Variants in KDM6A observed in about 807,000 individuals in gnomAD.
The protein encoded by KDM6A is lysine-specific demethylase 6A.
A neutral mutation model predicts 117.6 loss-of-function variants in KDM6A; 11 were observed. The ratio of observed to expected loss-of-function variants is 0.09; its 90% confidence interval spans 0.06 to 0.15. The LOEUF (loss-of-function observed/expected upper bound fraction) is 0.15, where lower values mean the gene tolerates loss of function less well. Ranked by LOEUF, KDM6A falls within the 10% of genes least tolerant of loss-of-function variation. The pLI, the probability that KDM6A is intolerant of heterozygous loss-of-function variation, is 1.00. For missense variants in KDM6A, 799 were observed against 1,077.3 expected (o/e 0.74, Z 3.62); for synonymous variants, 384 against 396.1 (o/e 0.97, Z 0.36).
At chrX:44,914,246 T>TG (rs1222251964) in intron 2 of KDM6A, among the ~76,000 whole-genome samples, 5 of 112,116 alleles carry the variant, frequency 4.5e-5, no homozygotes, top group Admixed American at 9.5e-5. Flanking sequence ...TCAGCTGTGC[T>TG]GGGGGGGTCA....
rs185689720 is a variant in KDM6A, at chrX:45,072,853, A to T, written c.2858+2496A>T. On this transcript the variant is annotated intron_variant, in intron 18 of 29. Transcript: ENST00000611820. ...TGTATTAATAAATTGTATATTATTT[A>T]AAAAAATATAATAATATATATATAT... Among the ~76,000 whole-genome samples the T allele has an allele frequency of 4.4e-4, 46 of 105,134 alleles. No individual in the cohort carries two copies. The East Asian group carries it at 8.6e-3, about 20-fold the overall frequency. The allele number at this position is 105,134 out of a possible 115,157, so 91.3% of individuals were successfully genotyped here.
rs768721600 is a variant in KDM6A at position 45,059,451 on chromosome X, A to G, written c.1179A>G (p.Arg393=). The part of the protein sequence containing the change: ...SCSNTSALAA[R]IKYLQAQLCN... ...GTAATACCTCTGCACTTGCAGCACG[A>G]ATTAAGTATTTACAGGTAAAATTTT... The change falls in exon 12 of 30, where the codon CGA becomes CGG. Residue 393 remains arginine (R), a synonymous_variant. Coordinates refer to ENST00000611820, the MANE Select transcript of KDM6A (RefSeq NM_001291415.2). 2.5e-6 allele frequency: 3 copies of G among 1,203,912 alleles called. No individual in the cohort carries two copies. Among genetic ancestry groups the G allele is most frequent in the Non-Finnish European group, 3.4e-6 (3 of 889,066 alleles).
At chrX:45,005,195 C>G (rs1569515696) in intron 4 of KDM6A, among the ~76,000 whole-genome samples, 1 of 109,965 alleles carries the variant, frequency 9.1e-6, no homozygotes. Flanking sequence ...ACGGTAATTC[C>G]CAAGAGTCAG....
chrX:44,986,716 C>T (rs1334341278), intron 4 of KDM6A, among the ~76,000 whole-genome samples: 8 of 111,845 alleles, frequency 7.2e-5, no homozygotes, highest in Non-Finnish European at 1.5e-4. Context: ...TGTAGTTGAG[C>T]AGTTTTGATT....
chrX:45,058,865 A>G (rs1219347173), intron 10 of KDM6A, 141 bp from the exon 11 acceptor site: 6 of 514,367 alleles, frequency 1.2e-5, no homozygotes, highest in Non-Finnish European at 2.1e-5. Context: ...AAGTATATAC[A>G]TACATACACA....
chrX:45,087,778 C>T (rs2045706847), intron 25 of KDM6A, among the ~76,000 whole-genome samples: 1 of 111,341 alleles, frequency 9.0e-6, no homozygotes, highest in Non-Finnish European at 1.9e-5. Context: ...TTAGAATAAG[C>T]AGATGATGTC....
intron 4 of KDM6A, among the ~76,000 whole-genome samples, chrX:45,008,192 A>G (rs1046539454): frequency 1.8e-5 from 2 of 110,251 alleles, no homozygotes; most frequent in Non-Finnish European, 3.8e-5. Flanking sequence ...TCCTGAAATC[A>G]GAAATGCCCG....
chrX:44,981,867 T>G (rs1419741380), intron 4 of KDM6A, among the ~76,000 whole-genome samples: 1 of 111,904 alleles, frequency 8.9e-6, no homozygotes, highest in Non-Finnish European at 1.9e-5. Flanking sequence ...GCACATCACC[T>G]GAGGTCAGGA....
At chrX:45,059,592 A>C in intron 12 of KDM6A, 126 bp downstream of exon 12, 1 of 519,796 alleles carries the variant, frequency 1.9e-6, no homozygotes, top group South Asian at 2.8e-5. Flanking sequence ...CATATTTTGT[A>C]AACATACCAT....
At position 44,956,914 on chromosome X, in the gene KDM6A, G is replaced by A. The variant is rs113668821; in HGVS notation, c.226-4370G>A. Among the ~76,000 whole-genome samples, 800 of 110,536 alleles carry A rather than the reference G, an allele frequency of 7.2e-3. 13 individuals are homozygous for A. The highest frequency in any genetic ancestry group is 0.025 in the African/African-American group (766 of 30,406). ...GGAGGCTGAGGCGGGCGGATCACTTGAGGTCAGGAGTTCGAGACCAGCCTG... is the reference window on the plus strand; with the variant it reads ...GGAGGCTGAGGCGGGCGGATCACTTAAGGTCAGGAGTTCGAGACCAGCCTG... On this transcript the variant is annotated intron_variant, in intron 2 of 29. Coordinates refer to ENST00000611820, the MANE Select transcript of KDM6A (RefSeq NM_001291415.2).
chrX:44,989,040 T>G (rs963010498), intron 4 of KDM6A, among the ~76,000 whole-genome samples: 20 of 108,012 alleles, frequency 1.9e-4, no homozygotes, highest in Non-Finnish European at 2.7e-4. Context: ...CTCCTTGACC[T>G]GTGGTGGGTT....
chrX:44,999,757 C>T (rs1417833400), intron 4 of KDM6A, among the ~76,000 whole-genome samples: 1 of 111,144 alleles, frequency 9.0e-6, no homozygotes, highest in East Asian at 2.8e-4. Flanking sequence ...AGATGCTTCT[C>T]TGGATAAGGT....
intron 8 of KDM6A, among the ~76,000 whole-genome samples, chrX:45,045,536 A>G (rs1227354171): frequency 1.9e-5 from 2 of 105,502 alleles, no homozygotes; most frequent in Non-Finnish European, 3.9e-5. Flanking sequence ...CAGTGAGCCA[A>G]GATCCCACCA....
intron 8 of KDM6A, among the ~76,000 whole-genome samples, chrX:45,042,227 C>G (rs1307432187): frequency 1.3e-5 from 1 of 79,120 alleles, no homozygotes; most frequent in African/African-American, 5.6e-5. Flanking sequence ...GGCTCGGCAT[C>G]AGAGGGAGAC....
chrX:44,921,017 G>A (rs1417858170), intron 2 of KDM6A, among the ~76,000 whole-genome samples: 2 of 107,795 alleles, frequency 1.9e-5, no homozygotes, highest in Non-Finnish European at 3.8e-5. Flanking sequence ...TGGGACTACA[G>A]GCGTGCACCA....
Position 45,037,648 on chromosome X carries a change from T to A in KDM6A, c.620-7T>A. The A allele has an allele frequency of 8.3e-7, 1 of 1,202,617 alleles. No individual in the cohort carries two copies. Among genetic ancestry groups the A allele is most frequent in the Non-Finnish European group, 1.1e-6 (1 of 887,435 alleles). The stretch of plus-strand genomic sequence containing the variant: ...CTGATTTTTTTGTCTTTCCTCATCC[T>A]TTGCAGTTCAATTTCACATTGCCCA... On this transcript the variant is annotated splice_polypyrimidine_tract_variant and splice_region_variant and intron_variant, in intron 7 of 29. Transcript: ENST00000611820.
intron 4 of KDM6A, among the ~76,000 whole-genome samples, chrX:44,988,736 C>T (rs1168306068): frequency 9.0e-6 from 1 of 111,108 alleles, no homozygotes; most frequent in African/African-American, 3.3e-5. Flanking sequence ...TATTGGTGAA[C>T]AGCAAATGTT....
chrX:44,972,334 C>T (rs763417972), intron 3 of KDM6A, among the ~76,000 whole-genome samples: 2 of 111,183 alleles, frequency 1.8e-5, no homozygotes, highest in Non-Finnish European at 3.8e-5. Context: ...GCATCCTCCT[C>T]CCTTCCTCTG....
At chrX:44,906,734 G>A (rs1183485086) in intron 2 of KDM6A, among the ~76,000 whole-genome samples, 1 of 111,283 alleles carries the variant, frequency 9.0e-6, no homozygotes, top group Non-Finnish European at 1.9e-5. Flanking sequence ...ATGTTGCTCA[G>A]GCTGGTCTTC....
Sources: allele counts gnomAD v4.1 joint callset (sites outside exome capture counted in the v4.1 genomes callset), GRCh38; gene constraint gnomAD v4.1.1; transcripts MANE v1.5; gene names NCBI Gene and HGNC (gene_info 2026-07-23, HGNC 2026-07-21).